SMAD6: variants seen among roughly 807,000 people sequenced by gnomAD.
The protein encoded by SMAD6 is MAD homolog 6.
A neutral mutation model predicts 39.4 loss-of-function variants in SMAD6; 103 were observed. The observed-to-expected ratio is 2.62, with a 90% CI of 2.23 to 3.08. The LOEUF is 3.08. Ranked by LOEUF, SMAD6 falls within the 30% of genes most tolerant of loss-of-function variation. The pLI, the probability that SMAD6 is intolerant of heterozygous loss-of-function variation, is 0.00. For synonymous variants in SMAD6, 445 were observed against 353.3 expected (o/e 1.26, Z -2.91); for missense variants, 1,104 against 742.9 (o/e 1.49, Z -5.65).
chr15:66,738,029 C>A (rs1295755084), intron 3 of SMAD6, among the ~76,000 whole-genome samples: 1 of 152,226 alleles, frequency 6.6e-6, no homozygotes, highest in Non-Finnish European at 1.5e-5. Flanking sequence ...GTGTTCAGTT[C>A]AGTGGCGTCA....
intron 3 of SMAD6, among the ~76,000 whole-genome samples, chr15:66,780,433 C>T (rs1894537586): frequency 6.6e-6 from 1 of 152,198 alleles, no homozygotes; most frequent in Non-Finnish European, 1.5e-5. Flanking sequence ...CGCCATCCCC[C>T]AATAGCCTAA....
At chr15:66,754,340 G>A (rs1452366057) in intron 3 of SMAD6, among the ~76,000 whole-genome samples, 2 of 152,196 alleles carry the variant, frequency 1.3e-5, no homozygotes, top group Non-Finnish European at 2.9e-5. Flanking sequence ...CAGAAGACTG[G>A]ACCGAGCTTT....
chr15:66,720,746 G>A (rs755022745), intron 3 of SMAD6, among the ~76,000 whole-genome samples: 7 of 152,234 alleles, frequency 4.6e-5, no homozygotes, highest in Admixed American at 1.3e-4. Context: ...GAAGGGGATG[G>A]GGACGCTTGT....
chr15:66,717,247 C>A, intron 3 of SMAD6: 1 of 699,104 alleles, frequency 1.4e-6, no homozygotes, highest in Non-Finnish European at 2.2e-6. Context: ...CTGGGACTGA[C>A]AGCCCCTCAG....
chr15:66,768,821 C>G (rs982081743), intron 3 of SMAD6, among the ~76,000 whole-genome samples: 4 of 152,208 alleles, frequency 2.6e-5, no homozygotes, highest in African/African-American at 9.7e-5. Flanking sequence ...ATATTCAGCT[C>G]TGCATTGCCG....
At chr15:66,752,380 G>T (rs1247654220) in intron 3 of SMAD6, among the ~76,000 whole-genome samples, 1 of 152,188 alleles carries the variant, frequency 6.6e-6, no homozygotes, top group Non-Finnish European at 1.5e-5. Flanking sequence ...GTAACTTTGG[G>T]GGGTGTTTTG....
intron 3 of SMAD6, among the ~76,000 whole-genome samples, chr15:66,734,011 C>G (rs116543287): frequency 2.0e-5 from 3 of 152,124 alleles, no homozygotes; most frequent in African/African-American, 7.2e-5. Context: ...CTCCTGTGCC[C>G]GAGCTGGGGT....
At chr15:66,769,843 C>CT (rs941646957) in intron 3 of SMAD6, among the ~76,000 whole-genome samples, 1 of 151,930 alleles carries the variant, frequency 6.6e-6, no homozygotes, top group African/African-American at 2.4e-5. Flanking sequence ...GGCTTTTTTT[C>CT]TTTTTTTGAG....
chr15:66,715,471 G>A (rs966664099), intron 2 of SMAD6, among the ~76,000 whole-genome samples: 9 of 152,188 alleles, frequency 5.9e-5, no homozygotes, highest in Middle Eastern at 3.2e-3. Flanking sequence ...CTGGGGCCAG[G>A]TGGAGCCACC....
intron 3 of SMAD6, among the ~76,000 whole-genome samples, chr15:66,771,240 G>T (rs917622475): frequency 6.6e-6 from 1 of 152,142 alleles, no homozygotes; most frequent in South Asian, 2.1e-4. Flanking sequence ...CTGGGGAAAC[G>T]GTCTATGGAG....
At chr15:66,759,448 C>T (rs577992272) in intron 3 of SMAD6, among the ~76,000 whole-genome samples, 46 of 152,198 alleles carry the variant, frequency 3.0e-4, no homozygotes, top group African/African-American at 9.9e-4. Context: ...AATTCTATAG[C>T]GATGAATTCT....
At chr15:66,744,887 G>A (rs1402568467) in intron 3 of SMAD6, among the ~76,000 whole-genome samples, 1 of 152,206 alleles carries the variant, frequency 6.6e-6, no homozygotes, top group African/African-American at 2.4e-5. Flanking sequence ...TTGCCTGACT[G>A]AGCCTCAGTT....
At position 66,767,959 on chromosome 15, in the gene SMAD6, CTTTTTTTTTTTTT is replaced by C. The variant is rs71142337; in HGVS notation, c.953-13023_953-13011del. On this transcript the variant is annotated intron_variant, in intron 3 of 3. Coordinates refer to ENST00000288840, the MANE Select transcript of SMAD6 (RefSeq NM_005585.5). ...TTGGAGTGATTATCCCAAGCTGCAT[CTTTTTTTTTTTTT>C]TTTTTTTTTTTTTTGGAGACAGGGT... is the stretch of plus-strand genomic sequence containing the variant. Among the ~76,000 whole-genome samples, 68 of 60,284 alleles carry C rather than the reference CTTTTTTTTTTTTT, an allele frequency of 1.1e-3. 3 individuals are homozygous for C. In the South Asian group the frequency reaches 0.036, roughly 32 times the overall value. The allele number at this position is 60,284 out of a possible 152,430, so 39.5% of individuals were successfully genotyped here. A position where few individuals can be genotyped will look rare whatever the true frequency, so the allele number is the denominator to read the frequency against.
chr15:66,753,907 C>T (rs1187434325), intron 3 of SMAD6, among the ~76,000 whole-genome samples: 1 of 152,208 alleles, frequency 6.6e-6, no homozygotes, highest in Admixed American at 6.5e-5. Flanking sequence ...ATTGCCTGCC[C>T]TCGGAGGCCC....
chr15:66,775,935 A>C (rs1255973016), intron 3 of SMAD6, among the ~76,000 whole-genome samples: 1 of 152,114 alleles, frequency 6.6e-6, no homozygotes, highest in African/African-American at 2.4e-5. Flanking sequence ...CAGCTGTGGG[A>C]AGTACAGAGT....
rs1231501584 is a variant in SMAD6 at position 66,703,603 on chromosome 15, G to A, written c.345G>A (p.Trp115Ter). The A allele has an allele frequency of 3.3e-6, 4 of 1,227,716 alleles. No homozygotes were observed. Among genetic ancestry groups the A allele is most frequent in the Non-Finnish European group, 4.1e-6 (4 of 981,938 alleles). The allele number at this position is 1,227,716 out of a possible 1,614,324, so 76.1% of individuals were successfully genotyped here. A position where few individuals can be genotyped will look rare whatever the true frequency, so the allele number is the denominator to read the frequency against. ...TGGCGGAGCCGGGAGGCCCGGGCTG[G>A]CTGCCCGAGAGTGACTGCGAGACGG... is the stretch of plus-strand genomic sequence containing the variant. ...LDVAEPGGPG[W>*]LPESDCETVT... Residue 115 changes from tryptophan (W) to a stop codon, truncating the protein, a stop_gained, in exon 1 of 4, where the codon TGG becomes TGA. Coordinates refer to ENST00000288840, the MANE Select transcript of SMAD6 (RefSeq NM_005585.5). LOFTEE classifies it high-confidence loss of function.
intron 2 of SMAD6, among the ~76,000 whole-genome samples, chr15:66,712,716 A>G (rs940011583): frequency 1.3e-5 from 2 of 149,468 alleles, no homozygotes; most frequent in African/African-American, 2.5e-5. Context: ...AAAAAAGAGT[A>G]GAGGTTGTGG....
At chr15:66,715,133 C>T (rs550263216) in intron 2 of SMAD6, among the ~76,000 whole-genome samples, 9 of 150,798 alleles carry the variant, frequency 6.0e-5, no homozygotes, top group Admixed American at 1.3e-4. Flanking sequence ...AATAGTCCCG[C>T]GTTATTTTTT....
chr15:66,703,835 G>A lies in SMAD6; in HGVS notation c.577G>A (p.Glu193Lys), dbSNP rs544979343. 3 of 1,396,418 alleles carry A rather than the reference G, an allele frequency of 2.1e-6. No homozygotes were observed. Among genetic ancestry groups the A allele is most frequent in the South Asian group, 1.5e-5 (1 of 66,356 alleles). The allele number at this position is 1,396,418 out of a possible 1,614,324, so 86.5% of individuals were successfully genotyped here. Reference sequence around the variant, plus strand: ...GGAGCGCTCGCTGGACACGCTGCTGGAGGCGGTGGAGTCCCGCGGCGGCGT... The same window carrying A: ...GGAGCGCTCGCTGGACACGCTGCTGAAGGCGGTGGAGTCCCGCGGCGGCGT... ...LKERSLDTLL[E>K]AVESRGGVPG... is the part of the protein sequence containing the mutation. The change falls in exon 1 of 4, where the codon GAG (glutamate) becomes AAG (lysine). Residue 193 changes from glutamate (E) to lysine (K), a missense_variant. Physicochemically the swap from Glu to Lys is moderately conservative, Grantham distance 56. Coordinates refer to ENST00000288840, the MANE Select transcript of SMAD6 (RefSeq NM_005585.5).
Sources: allele counts gnomAD v4.1 joint callset (sites outside exome capture counted in the v4.1 genomes callset), GRCh38; gene constraint gnomAD v4.1.1; transcripts MANE v1.5; gene names NCBI Gene and HGNC (gene_info 2026-07-23, HGNC 2026-07-21).